The following MYOF variants were observed in gnomAD, a reference collection of about 807,000 sequenced individuals.
MYOF encodes the protein fer-1-like 3, myoferlin.
In MYOF, 244 loss-of-function variants were observed where a neutral mutation model predicts 284.2. That is an observed-to-expected ratio of 0.86 (90% CI 0.77 to 0.95). MYOF has a LOEUF of 0.95. Ranked by LOEUF, MYOF falls within the 40% of genes least tolerant of loss-of-function variation. MYOF has a pLI of 0.00. For missense variants in MYOF, 2,496 were observed against 2,560.6 expected (o/e 0.97, Z 0.54); for synonymous variants, 904 against 919.7 (o/e 0.98, Z 0.31).
At chr10:93,316,644 C>G (rs1842623640) in intron 50 of MYOF, 70 bp downstream of exon 50, 1 of 1,378,384 alleles carries the variant, frequency 7.3e-7, no homozygotes, top group Admixed American at 1.8e-5. Context: ...GAATTGCTTC[C>G]AAGTTTTCAT....
chr10:93,346,824 T>G (rs1392043953), intron 37 of MYOF, among the ~76,000 whole-genome samples: 2 of 152,178 alleles, frequency 1.3e-5, no homozygotes, highest in African/African-American at 4.8e-5. Context: ...GGAACATGCC[T>G]TTCTTGGTCC....
intron 7 of MYOF, 108 bp downstream of exon 7, chr10:93,408,679 T>C (rs940142140): frequency 5.5e-6 from 8 of 1,460,228 alleles, no homozygotes; most frequent in Non-Finnish European, 6.6e-6. Flanking sequence ...GTTTTGTTCC[T>C]GTGATCTCTA....
At chr10:93,401,792 CGTGT>C (rs57326000) in intron 11 of MYOF, among the ~76,000 whole-genome samples, 14,357 of 94,316 alleles carry the variant, frequency 0.15, 1,232 homozygotes, top group East Asian at 0.6. Context: ...AGAGCCTGTG[CGTGT>C]GTGTGTGTGT....
chr10:93,459,382 C>G (rs901938790), intron 1 of MYOF, among the ~76,000 whole-genome samples: 2 of 152,240 alleles, frequency 1.3e-5, no homozygotes, highest in African/African-American at 4.8e-5. Flanking sequence ...TCTACAGAAT[C>G]ATCTCTAGGT....
chr10:93,345,841 A>G (rs1844161778), intron 37 of MYOF, among the ~76,000 whole-genome samples: 1 of 152,192 alleles, frequency 6.6e-6, no homozygotes, highest in South Asian at 2.1e-4. Context: ...AGCCTTGACC[A>G]CACTCTACAT....
At chr10:93,370,314 A>ATTTTTTTTTTT (rs916555324) in intron 24 of MYOF, among the ~76,000 whole-genome samples, 17 of 122,426 alleles carry the variant, frequency 1.4e-4, no homozygotes, top group African/African-American at 5.3e-4. Flanking sequence ...ATGATTACTA[A>ATTTTTTTTTTT]TTTTTTTTTT....
intron 36 of MYOF, among the ~76,000 whole-genome samples, chr10:93,348,389 G>T (rs1440512676): frequency 6.6e-6 from 1 of 152,196 alleles, no homozygotes; most frequent in African/African-American, 2.4e-5. Flanking sequence ...CATGGAATTT[G>T]GTGGCTTTGG....
rs371276370 is a variant in MYOF at position 93,381,272 on chromosome 10, G to A, written c.1823C>T (p.Thr608Ile). ...SIGNYGNKFD[T>I]TCKPLASTTQ... ...TGTTGATGCCAAAGGCTTACAGGTG[G>A]TGTCAAACTTGTTGCCATAGTTCCC... The change falls in exon 20 of 54, where the codon ACC (threonine) becomes ATC (isoleucine). Residue 608 changes from threonine (T) to isoleucine (I), a missense_variant. Around this residue, in one of 3 missense-constraint regions of MYOF, gnomAD observed 2,436 missense variants for 2,480.7 expected, o/e 0.98. Coordinates refer to ENST00000359263, the MANE Select transcript of MYOF (RefSeq NM_013451.4). 9 of 1,614,074 alleles carry A rather than the reference G, an allele frequency of 5.6e-6. No homozygotes were observed. The African/African-American group carries it at 1.2e-4, about 22-fold the overall frequency.
chr10:93,321,314 T>C (rs1842830307), intron 48 of MYOF, among the ~76,000 whole-genome samples: 1 of 152,014 alleles, frequency 6.6e-6, no homozygotes. Flanking sequence ...CTACTATTAG[T>C]AGTGGTATTA....
chr10:93,356,801 T>G lies in MYOF; in HGVS notation c.3168A>C (p.Leu1056=). 1 of 1,614,116 alleles carries G rather than the reference T, an allele frequency of 6.2e-7. No individual in the cohort carries two copies. Among genetic ancestry groups the G allele is most frequent in the Admixed American group, 1.7e-5 (1 of 60,016 alleles). The change falls in exon 30 of 54, where the codon CTA becomes CTC. Residue 1056 remains leucine (L), a synonymous_variant. Transcript: ENST00000359263. The stretch of plus-strand genomic sequence containing the variant: ...GTTTCCAGTGAAATTTCCAGCCAAT[T>G]AGAGAAGCATATTCCCAGCCCTCTT... ...QDQEGWEYAS[L]IGWKFHWKQR... is the part of the protein sequence containing the mutation.
intron 48 of MYOF, among the ~76,000 whole-genome samples, chr10:93,321,685 C>T (rs1163902174): frequency 6.6e-6 from 1 of 151,566 alleles, no homozygotes; most frequent in Non-Finnish European, 1.5e-5. Flanking sequence ...CTCACCCTTA[C>T]AGCTCTTCCT....
intron 4 of MYOF, among the ~76,000 whole-genome samples, chr10:93,430,455 G>A (rs1455638203): frequency 1.3e-5 from 2 of 151,716 alleles, no homozygotes; most frequent in African/African-American, 2.4e-5. Context: ...GGTGGCACGT[G>A]CCTATAATCC....
intron 38 of MYOF, among the ~76,000 whole-genome samples, chr10:93,342,814 CTTAAG>C (rs1251649989): frequency 6.6e-6 from 1 of 152,160 alleles, no homozygotes; most frequent in Non-Finnish European, 1.5e-5. Flanking sequence ...CAGAAAAGAT[CTTAAG>C]TATATTAACT....
At chr10:93,335,232 C>T (rs1843539049) in intron 41 of MYOF, among the ~76,000 whole-genome samples, 1 of 152,056 alleles carries the variant, frequency 6.6e-6, no homozygotes, top group African/African-American at 2.4e-5. Flanking sequence ...CCCAAGCCTC[C>T]GACTTATTGA....
At chr10:93,351,937 T>C in intron 32 of MYOF, 91 bp from the exon 33 acceptor site, 1 of 1,233,160 alleles carries the variant, frequency 8.1e-7, no homozygotes, top group Non-Finnish European at 1.1e-6. Context: ...TTCCTCTGGA[T>C]ATAATGACAG....
At chr10:93,314,115 GTC>G (rs1310462090) in intron 50 of MYOF, among the ~76,000 whole-genome samples, 2 of 152,216 alleles carry the variant, frequency 1.3e-5, no homozygotes, top group South Asian at 4.2e-4. Flanking sequence ...TTGAGACTGA[GTC>G]TCTCTCTATA....
chr10:93,306,855 C>CCTG lies in MYOF; in HGVS notation c.*105_*107dup. 3 of 1,179,610 alleles carry CCTG rather than the reference C, an allele frequency of 2.5e-6. No individual in the cohort carries two copies. Among genetic ancestry groups the CCTG allele is most frequent in the Non-Finnish European group, 3.7e-6 (3 of 804,588 alleles). 73.1% of individuals were successfully genotyped at this position (1,179,610 alleles called of 1,614,324 possible). ...AATGGGGCTCGGTGACATGGCGTAA[C>CCTG]CTGCTACTGGGGTGTGGTCTCAGAC... On this transcript the variant is annotated 3_prime_UTR_variant, in exon 54 of 54. Transcript: ENST00000359263.
chr10:93,364,774 A>G (rs787639), intron 26 of MYOF, among the ~76,000 whole-genome samples: 43,665 of 151,984 alleles, frequency 0.29, 7,673 homozygotes, highest in Non-Finnish European at 0.4. Context: ...ACCTACTCAA[A>G]TGAGGGTTTT....
chr10:93,309,690 G>C (rs1842298802), intron 53 of MYOF, among the ~76,000 whole-genome samples: 1 of 152,166 alleles, frequency 6.6e-6, no homozygotes, highest in Admixed American at 6.5e-5. Flanking sequence ...TTTGGAACAA[G>C]AAAGTCTGAA....
Sources: gnomAD v4.1 joint callset for allele counts (sites outside exome capture counted in the v4.1 genomes callset) on GRCh38, gnomAD v4.1.1 for gene constraint, gnomAD v4.1.1 regional missense constraint, MANE v1.5 for transcripts, NCBI Gene and HGNC (gene_info 2026-07-23, HGNC 2026-07-21) for gene names.